Variants in SIPA1 observed in about 807,000 individuals in gnomAD.
SIPA1 encodes signal-induced proliferation-associated 1.
Under a neutral mutation model 88.1 loss-of-function variants are expected in SIPA1, and 51 were observed. The ratio of observed to expected loss-of-function variants is 0.58; its 90% CI spans 0.46 to 0.73. The LOEUF (loss-of-function observed/expected upper bound fraction) is 0.73, where lower values mean the gene tolerates loss of function less well. Ranked by LOEUF, SIPA1 falls within the 30% of genes least tolerant of loss-of-function variation. The probability of loss-of-function intolerance (pLI) is 0.00; values close to 1 mark genes in which losing one functional copy is unlikely to be tolerated. For missense variants in SIPA1, 1,348 were observed against 1,467.6 expected, an observed-to-expected ratio of 0.92 and a Z score of 1.33; for synonymous variants, 681 against 664.8, an observed-to-expected ratio of 1.02 and a Z score of -0.37.
At chr11:65,649,913 G>C in intron 12 of SIPA1, 37 bp from the exon 13 acceptor site, 1 of 1,613,530 alleles carries the variant, frequency 6.2e-7, no homozygotes, top group Non-Finnish European at 8.5e-7. Context: ...GGGTGCTCCT[G>C]GGCTTCCCTA....
Position 65,642,449 on chromosome 11 carries a change from C to T in SIPA1, c.808-14C>T, listed in dbSNP as rs1038344833. On this transcript the variant is annotated splice_polypyrimidine_tract_variant and intron_variant, in intron 3 of 15. Transcript: ENST00000534313. This position sits in a 1 kb window ranked among gnomAD's most constrained non-coding sequence, Gnocchi z 6.5. Reference sequence around the variant, plus strand: ...CTTGTATGCATCCTGAGTGCCCTTACACCCCTTCCTCAGCTCCGGACACTC... The same window carrying T: ...CTTGTATGCATCCTGAGTGCCCTTATACCCCTTCCTCAGCTCCGGACACTC... The T allele has an allele frequency of 1.9e-6, 3 of 1,610,410 alleles. No homozygotes were observed.
At position 65,649,269 on chromosome 11, in the gene SIPA1, T is replaced by C; in HGVS notation, c.2314T>C (p.Ser772Pro). The change falls in exon 10 of 16, where the codon TCG becomes CCG. Residue 772 changes from serine to proline, a missense_variant. By Grantham distance (74) the Ser-to-Pro change is moderately conservative. This residue lies in a region of SIPA1 where 615 missense variants were observed against 559.8 expected (regional missense o/e 1.10). Coordinates refer to ENST00000534313, the MANE Select transcript of SIPA1 (RefSeq NM_006747.4). ...DESGRPRRSF[S>P]ELYTLSLQEP... ...CCCTGTCCCACCCCACAGGAGTTTT[T>C]CGGAGCTGTACACGCTGTCGCTGCA... is the stretch of plus-strand genomic sequence containing the variant. The C allele has an allele frequency of 1.3e-6, 2 of 1,522,704 alleles. No homozygotes were observed. Among genetic ancestry groups the C allele is most frequent in the African/African-American group, 2.7e-5 (2 of 72,768 alleles). 94.3% of individuals were successfully genotyped at this position (1,522,704 alleles called of 1,614,324 possible).
In SIPA1 at chr11:65,642,323, G is replaced by C; in HGVS notation, c.753G>C (p.Glu251Asp). Residue 251 changes from glutamate (E) to aspartate (D), a missense_variant, in exon 3 of 16, where the codon GAG becomes GAC. Glu to Asp is a conservative substitution (Grantham distance 45, BLOSUM62 2). Coordinates refer to ENST00000534313, the MANE Select transcript of SIPA1 (RefSeq NM_006747.4). This position sits in a 1 kb window ranked among gnomAD's most constrained non-coding sequence, Gnocchi z 6.5. Reference protein sequence around the residue: ...VAVSLRREEKEGSGGGTLHSY... With the variant: ...VAVSLRREEKDGSGGGTLHSY... The stretch of plus-strand genomic sequence containing the variant: ...TGAGCCTGCGGCGGGAGGAGAAGGA[G>C]GGCAGCGGAGGGGGCACCCTGCACA... The C allele has an allele frequency of 1.9e-6, 3 of 1,549,808 alleles. No homozygotes were observed. The highest frequency in any genetic ancestry group is 1.2e-5 in the South Asian group (1 of 84,210).
chr11:65,639,567 C>T (rs1022035089), intron 1 of SIPA1, among the ~76,000 whole-genome samples: 2 of 152,130 alleles, frequency 1.3e-5, no homozygotes, highest in African/African-American at 4.8e-5. Flanking sequence ...CCTCCACCCC[C>T]CTCCGGCCCA....
chr11:65,641,328 G>T lies in SIPA1; in HGVS notation c.407G>T (p.Gly136Val), dbSNP rs760208882. The T allele has an allele frequency of 1.2e-6, 2 of 1,613,524 alleles. No individual in the cohort carries two copies. The highest frequency in any genetic ancestry group is 2.2e-5 in the South Asian group (2 of 91,080). Residue 136 changes from glycine to valine, a missense_variant, in exon 2 of 16, where the codon GGG becomes GTG. Coordinates refer to ENST00000534313, the MANE Select transcript of SIPA1 (RefSeq NM_006747.4). ...FDWAPRSQGMGSHSEASSGTL... is the reference protein window; with the variant it reads ...FDWAPRSQGMVSHSEASSGTL... ...TGGGCTCCGAGGTCTCAGGGGATGGGGAGCCACTCAGAGGCCAGCTCTGGG... is the reference window on the plus strand; with the variant it reads ...TGGGCTCCGAGGTCTCAGGGGATGGTGAGCCACTCAGAGGCCAGCTCTGGG...
chr11:65,648,626 G>T (rs981831753), intron 9 of SIPA1, among the ~76,000 whole-genome samples: 1 of 152,226 alleles, frequency 6.6e-6, no homozygotes. Context: ...CTGAGGTCAG[G>T]AGTTCGAGAC....
rs1232103897 is a variant in SIPA1, at chr11:65,646,016, G to C, written c.1263+59G>C. Reference sequence around the variant, plus strand: ...CGGGAACCATGGAGGGCCCTGCATGGCCCATGACGTTTGAGCTTTGGCCGG... The same window carrying C: ...CGGGAACCATGGAGGGCCCTGCATGCCCCATGACGTTTGAGCTTTGGCCGG... On this transcript the variant is annotated intron_variant, in intron 6 of 15. Coordinates refer to ENST00000534313, the MANE Select transcript of SIPA1 (RefSeq NM_006747.4). The surrounding 1 kb of genome is among the most constrained non-coding windows in gnomAD (Gnocchi z 7.5). The C allele has an allele frequency of 2.9e-6, 4 of 1,392,910 alleles. No individual in the cohort carries two copies. In the African/African-American group the frequency reaches 5.7e-5, roughly 20 times the overall value. 86.3% of individuals were successfully genotyped at this position (1,392,910 alleles called of 1,614,324 possible).
At chr11:65,649,167 C>T in intron 9 of SIPA1, 95 bp from the exon 10 acceptor site, 1 of 888,730 alleles carries the variant, frequency 1.1e-6, no homozygotes, top group Admixed American at 3.0e-5. Flanking sequence ...AGCTCTCCTG[C>T]TCCTGGAAGT....
intron 14 of SIPA1, 44 bp downstream of exon 14, chr11:65,650,236 AC>A (rs753741237): frequency 8.8e-6 from 14 of 1,596,638 alleles, no homozygotes; most frequent in Admixed American, 5.0e-5. Context: ...TGCCCACATG[AC>A]CCCCCCTTCG....
Position 65,647,005 on chromosome 11 carries a change from C to G in SIPA1, c.1971C>G (p.Ile657Met), listed in dbSNP as rs905362321. The change falls in exon 8 of 16, where the codon ATC becomes ATG. Residue 657 changes from isoleucine (I) to methionine (M), a missense_variant. This residue lies in a region of SIPA1 where 615 missense variants were observed against 559.8 expected (regional missense o/e 1.10). Transcript: ENST00000534313. ...LDLYHGRGEA[I>M]TLRFDGSPGQ... ...TGTACCACGGCCGCGGGGAGGCGAT[C>G]ACGCTGCGCTTCGACGGGTCCCCCG... The G allele has an allele frequency of 1.3e-6, 2 of 1,540,678 alleles. No individual in the cohort carries two copies. Among genetic ancestry groups the G allele is most frequent in the Non-Finnish European group, 1.7e-6 (2 of 1,149,138 alleles).
chr11:65,644,548 C>T (rs187047748), intron 4 of SIPA1, among the ~76,000 whole-genome samples: 16 of 151,164 alleles, frequency 1.1e-4, no homozygotes, highest in Non-Finnish European at 2.1e-4. Context: ...TCCAGTTATC[C>T]GCAGAGGGAA....
chr11:65,649,226 T>G, intron 9 of SIPA1, 36 bp from the exon 10 acceptor site: 1 of 1,425,418 alleles, frequency 7.0e-7, no homozygotes, highest in Non-Finnish European at 9.4e-7. Context: ...CGCTGGGGAC[T>G]GGAGAAGTCC....
Position 65,642,529 on chromosome 11 carries a change from C to T in SIPA1, c.874C>T (p.Pro292Ser). The T allele has an allele frequency of 1.9e-6, 3 of 1,608,618 alleles. No homozygotes were observed. Among genetic ancestry groups the T allele is most frequent in the Non-Finnish European group, 2.5e-6 (3 of 1,179,280 alleles). The change falls in exon 4 of 16, where the codon CCA becomes TCA. Residue 292 changes from proline (P) to serine (S), a missense_variant. Pro to Ser is a moderately conservative substitution (Grantham distance 74). Around this residue, in one of 4 missense-constraint regions of SIPA1, gnomAD observed 641 missense variants for 797.7 expected, o/e 0.80. Coordinates refer to ENST00000534313, the MANE Select transcript of SIPA1 (RefSeq NM_006747.4). This position sits in a 1 kb window ranked among gnomAD's most constrained non-coding sequence, Gnocchi z 6.5. The part of the protein sequence containing the change: ...LPPGPPRGLS[P>S]RKLLEHVAPQ... Reference sequence around the variant, plus strand: ...GCCGGGGCCCCCACGGGGTCTGTCCCCAAGGAAACTTCTGGAGCACGTGGC... The same window carrying T: ...GCCGGGGCCCCCACGGGGTCTGTCCTCAAGGAAACTTCTGGAGCACGTGGC...
At chr11:65,641,633 G>T in intron 2 of SIPA1, 33 bp downstream of exon 2, 1 of 1,561,396 alleles carries the variant, frequency 6.4e-7, no homozygotes, top group Non-Finnish European at 8.7e-7. Context: ...AGTGGAGGAG[G>T]GGGGCTGAAG....
chr11:65,638,955 A>G (rs1187917621), intron 1 of SIPA1, among the ~76,000 whole-genome samples: 3 of 152,092 alleles, frequency 2.0e-5, no homozygotes, highest in Non-Finnish European at 2.9e-5. Context: ...TCCTTCACAC[A>G]CTATAGCCCA....
intron 9 of SIPA1, 46 bp downstream of exon 9, chr11:65,647,704 C>T (rs377732894): frequency 1.5e-6 from 2 of 1,298,280 alleles, no homozygotes; most frequent in South Asian, 1.8e-5. Context: ...CGGCAGTTGG[C>T]CACCGCGCAG....
At chr11:65,644,192 G>A (rs556974746) in intron 4 of SIPA1, among the ~76,000 whole-genome samples, 1 of 151,568 alleles carries the variant, frequency 6.6e-6, no homozygotes, top group Admixed American at 6.6e-5. Context: ...TTGGTAGGCC[G>A]GTCTGAATGG....
intron 9 of SIPA1, among the ~76,000 whole-genome samples, chr11:65,648,360 AAAT>A (rs1856179808): frequency 2.6e-5 from 4 of 152,176 alleles, no homozygotes; most frequent in Admixed American, 2.6e-4. Flanking sequence ...GTAAATGGCC[AAAT>A]AATAAATATT....
Position 65,646,355 on chromosome 11 carries a change from C to G in SIPA1, c.1398C>G (p.Pro466=). 1 of 1,612,518 alleles carries G rather than the reference C, an allele frequency of 6.2e-7. No individual in the cohort carries two copies. The highest frequency in any genetic ancestry group is 8.5e-7 in the Non-Finnish European group (1 of 1,179,992). The part of the protein sequence containing the change: ...HVFLVVRAHT[P]CTPHTTYRVA... The stretch of plus-strand genomic sequence containing the variant: ...TCCTAGTGGTGCGGGCACACACACC[C>G]TGCACGCCACACACCACCTACAGGT... Residue 466 remains proline, a synonymous_variant, in exon 7 of 16, where the codon CCC becomes CCG. Transcript: ENST00000534313. This position sits in a 1 kb window ranked among gnomAD's most constrained non-coding sequence, Gnocchi z 7.5.
Sources: allele counts gnomAD v4.1 joint callset (sites outside exome capture counted in the v4.1 genomes callset), GRCh38; gene constraint gnomAD v4.1.1; regional missense constraint gnomAD v4.1.1; non-coding constraint Gnocchi (gnomAD v3.1); transcripts MANE v1.5; gene names NCBI Gene and HGNC (gene_info 2026-07-23, HGNC 2026-07-21).